Variants in KCNC2 observed in about 807,000 individuals in gnomAD.
KCNC2 encodes potassium voltage-gated channel subfamily C member 2.
KCNC2 carries 21 observed loss-of-function variants against 44.5 expected under a neutral mutation model. The observed-to-expected ratio is 0.47, with a 90% CI of 0.33 to 0.68. The LOEUF is 0.68. Ranked by LOEUF, KCNC2 falls within the 30% of genes least tolerant of loss-of-function variation. KCNC2 has a pLI of 0.01. For synonymous variants in KCNC2, 391 were observed against 339.1 expected (o/e 1.15, Z -1.68); for missense variants, 589 against 826.2 (o/e 0.71, Z 3.52).
intron 2 of KCNC2, among the ~76,000 whole-genome samples, chr12:75,098,897 A>G (rs1439730643): frequency 6.6e-6 from 1 of 152,134 alleles, no homozygotes; most frequent in Non-Finnish European, 1.5e-5. Flanking sequence ...ACCACGAGAG[A>G]CCTGCTGACA....
At chr12:75,150,541 A>G (rs1301276200) in intron 2 of KCNC2, among the ~76,000 whole-genome samples, 2 of 151,892 alleles carry the variant, frequency 1.3e-5, no homozygotes, top group Non-Finnish European at 2.9e-5. Context: ...AGGCAGACTA[A>G]GTTGATCTTT....
chr12:75,199,254 C>G lies in KCNC2; in HGVS notation c.687+8043G>C, dbSNP rs532331099. On this transcript the variant is annotated intron_variant, in intron 2 of 4. Coordinates refer to ENST00000549446, the MANE Select transcript of KCNC2 (RefSeq NM_139137.4). ...GATATTGTTGAAGAATGGCAAACCTCTAAGATTTGATAGCACACCAACCAG... is the reference window on the plus strand; with the variant it reads ...GATATTGTTGAAGAATGGCAAACCTGTAAGATTTGATAGCACACCAACCAG... 1.3e-3 allele frequency among the ~76,000 whole-genome samples: 201 copies of G among 151,884 alleles called. 1 individual carries two copies. The South Asian group carries it at 0.018, about 13-fold the overall frequency.
intron 4 of KCNC2, chr12:75,043,491 T>G: frequency 7.8e-7 from 1 of 1,277,722 alleles, no homozygotes; most frequent in African/African-American, 1.5e-5. Context: ...TCCCAGATTA[T>G]AGTTAGCATT....
At chr12:75,131,599 G>A (rs1888849105) in intron 2 of KCNC2, among the ~76,000 whole-genome samples, 1 of 152,148 alleles carries the variant, frequency 6.6e-6, no homozygotes, top group Non-Finnish European at 1.5e-5. Context: ...TGGTGGTAGA[G>A]AGATGTGGCA....
chr12:75,201,283 A>C lies in KCNC2; in HGVS notation c.687+6014T>G, dbSNP rs949101208. ...ATTGGAAAAAAAAAAAAAAAAAAAA[A>C]AAAAAAAAAAAAAAACCAGATTCTG... On this transcript the variant is annotated intron_variant, in intron 2 of 4. Coordinates refer to ENST00000549446, the MANE Select transcript of KCNC2 (RefSeq NM_139137.4). Among the ~76,000 whole-genome samples, 87 of 127,500 alleles carry C rather than the reference A, an allele frequency of 6.8e-4. 3 individuals are homozygous for C. Among genetic ancestry groups the C allele is most frequent in the Non-Finnish European group, 2.4e-4 (15 of 61,244 alleles). The allele number at this position is 127,500 out of a possible 152,430, so 83.6% of individuals were successfully genotyped here. A position where few individuals can be genotyped will look rare whatever the true frequency, so the allele number is the denominator to read the frequency against.
intron 2 of KCNC2, among the ~76,000 whole-genome samples, chr12:75,106,669 G>T (rs1297326884): frequency 1.3e-5 from 2 of 152,004 alleles, no homozygotes; most frequent in Non-Finnish European, 2.9e-5. Context: ...AAGATAGAAG[G>T]TAAATAAAAA....
At chr12:75,058,258 T>A (rs1048802831) in intron 2 of KCNC2, among the ~76,000 whole-genome samples, 1 of 151,894 alleles carries the variant, frequency 6.6e-6, no homozygotes, top group African/African-American at 2.4e-5. Context: ...GGACAATATA[T>A]AGCAATTTCA....
intron 4 of KCNC2, 164 bp from the exon 5 acceptor site, chr12:75,043,405 T>G: frequency 7.2e-7 from 1 of 1,387,384 alleles, no homozygotes; most frequent in Non-Finnish European, 9.3e-7. Context: ...AAAATGAAGC[T>G]CACTGTAGTT....
intron 2 of KCNC2, among the ~76,000 whole-genome samples, chr12:75,145,747 A>G (rs1025631904): frequency 6.6e-6 from 1 of 152,072 alleles, no homozygotes; most frequent in Non-Finnish European, 1.5e-5. Flanking sequence ...ATGTACTAAG[A>G]TTTTTTGGGT....
chr12:75,150,940 T>C (rs1455319458), intron 2 of KCNC2, among the ~76,000 whole-genome samples: 2 of 151,978 alleles, frequency 1.3e-5, no homozygotes, highest in East Asian at 1.9e-4. Context: ...TGCACCCATG[T>C]TCTTGAATTA....
chr12:75,083,845 T>C (rs1403011062), intron 2 of KCNC2, among the ~76,000 whole-genome samples: 1 of 151,892 alleles, frequency 6.6e-6, no homozygotes, highest in Non-Finnish European at 1.5e-5. Context: ...TATAAAGAAA[T>C]GTACTATACA....
intron 2 of KCNC2, among the ~76,000 whole-genome samples, chr12:75,185,356 A>G (rs1892866438): frequency 6.6e-6 from 1 of 152,176 alleles, no homozygotes; most frequent in Non-Finnish European, 1.5e-5. Context: ...ATGTGTTGGA[A>G]ACTTGATTCC....
chr12:75,140,252 C>T (rs900966929), intron 2 of KCNC2: 4 of 152,138 alleles, frequency 2.6e-5, no homozygotes, highest in African/African-American at 4.8e-5. Context: ...CAAGCCTCTC[C>T]TTGCATCAAA....
At chr12:75,048,101 C>T (rs1278764891) in intron 4 of KCNC2, 52 bp downstream of exon 4, 1 of 1,519,236 alleles carries the variant, frequency 6.6e-7, no homozygotes, top group African/African-American at 1.4e-5. Flanking sequence ...CATGTATTTC[C>T]AACAGTTTAT....
chr12:75,077,012 C>G (rs1444283559), intron 2 of KCNC2, among the ~76,000 whole-genome samples: 2 of 152,096 alleles, frequency 1.3e-5, no homozygotes, highest in Non-Finnish European at 2.9e-5. Flanking sequence ...GTGTGTATTT[C>G]CAGTTTAAAA....
chr12:75,055,736 T>G (rs902178696), intron 2 of KCNC2, among the ~76,000 whole-genome samples: 6 of 152,040 alleles, frequency 3.9e-5, no homozygotes, highest in African/African-American at 1.4e-4. Flanking sequence ...GGACTCTTAT[T>G]TTTTTCCAAT....
intron 2 of KCNC2, among the ~76,000 whole-genome samples, chr12:75,159,735 T>C (rs1484088563): frequency 1.3e-5 from 2 of 151,902 alleles, no homozygotes; most frequent in Non-Finnish European, 2.9e-5. Flanking sequence ...AAACCACCAT[T>C]TCCTTCAAGG....
chr12:75,208,911 C>T (rs2031929059), intron 1 of KCNC2, among the ~76,000 whole-genome samples: 1 of 152,146 alleles, frequency 6.6e-6, no homozygotes, highest in Non-Finnish European at 1.5e-5. Context: ...ATGCATCCCA[C>T]CCATCCCCCT....
At chr12:75,111,281 G>A (rs1288851154) in intron 2 of KCNC2, among the ~76,000 whole-genome samples, 1 of 152,056 alleles carries the variant, frequency 6.6e-6, no homozygotes, top group East Asian at 1.9e-4. Flanking sequence ...TGAGGAGATA[G>A]TTTAATATTT....
Sources: gnomAD v4.1 joint callset for allele counts (sites outside exome capture counted in the v4.1 genomes callset) on GRCh38, gnomAD v4.1.1 for gene constraint, MANE v1.5 for transcripts, NCBI Gene and HGNC (gene_info 2026-07-23, HGNC 2026-07-21) for gene names.